The following ANXA7 variants were observed in gnomAD, a reference collection of about 807,000 sequenced individuals.
The protein encoded by ANXA7 is annexin VII.
In ANXA7, 55 loss-of-function variants were observed where a neutral mutation model predicts 64.9. The observed-to-expected ratio is 0.85, with a 90% CI of 0.68 to 1.06. The LOEUF is 1.06. ANXA7 is among the 50% of genes least tolerant of loss of function. The pLI is 0.00. For missense variants in ANXA7, 548 were observed against 582.1 expected (o/e 0.94, Z 0.60); for synonymous variants, 200 against 192.4 (o/e 1.04, Z -0.33).
chr10:73,397,275 C>A lies in ANXA7; in HGVS notation c.260-1G>T. On this transcript the variant is annotated splice_acceptor_variant, in intron 3 of 12. Coordinates refer to ENST00000372921, the MANE Select transcript of ANXA7 (RefSeq NM_001156.5). LOFTEE classifies it high-confidence loss of function. ...ACTCCAAATCCTTGGCCTGGAGGAA[C>A]TAGAGAAAAGAACATGTCAATAAAC... The A allele has an allele frequency of 6.2e-7, 1 of 1,602,110 alleles. No individual in the cohort carries two copies. The highest frequency in any genetic ancestry group is 8.5e-7 in the Non-Finnish European group (1 of 1,171,092).
chr10:73,412,155 ACCT>A (rs2055853869), intron 1 of ANXA7, among the ~76,000 whole-genome samples: 1 of 151,812 alleles, frequency 6.6e-6, no homozygotes. Flanking sequence ...TTGTGCCTCA[ACCT>A]CCTGAGTAGC....
intron 9 of ANXA7, chr10:73,381,707 A>C (rs2055278347): frequency 6.6e-6 from 1 of 152,200 alleles, no homozygotes; most frequent in Non-Finnish European, 1.5e-5. Context: ...GAGACTCAGC[A>C]CCTCATGTAA....
intron 2 of ANXA7, among the ~76,000 whole-genome samples, chr10:73,399,475 C>A (rs1301593090): frequency 6.6e-6 from 1 of 152,264 alleles, no homozygotes; most frequent in South Asian, 2.1e-4. Context: ...CTTGTATAGA[C>A]CCCTCTTCCT....
chr10:73,376,320 G>A, intron 12 of ANXA7, 103 bp from the exon 13 acceptor site: 1 of 1,123,816 alleles, frequency 8.9e-7, no homozygotes, highest in Non-Finnish European at 1.2e-6. Context: ...CAAAACTTGG[G>A]GGGGAAAACA....
intron 1 of ANXA7, among the ~76,000 whole-genome samples, chr10:73,405,122 A>C (rs943157903): frequency 2.6e-5 from 4 of 152,070 alleles, no homozygotes; most frequent in Admixed American, 6.6e-5. Flanking sequence ...ATGTGCCTGT[A>C]GTCCCAGCTA....
intron 1 of ANXA7, among the ~76,000 whole-genome samples, chr10:73,405,240 C>CAAA (rs796132395): frequency 1.4e-5 from 1 of 71,648 alleles, no homozygotes; most frequent in African/African-American, 5.3e-5. Context: ...AATACTGTCT[C>CAAA]AAAAAAAAAA....
At chr10:73,385,851 C>A (rs1223754783) in intron 7 of ANXA7, among the ~76,000 whole-genome samples, 1 of 151,984 alleles carries the variant, frequency 6.6e-6, no homozygotes, top group Non-Finnish European at 1.5e-5. Flanking sequence ...ATCAATGGAC[C>A]ACTACCCCAT....
In ANXA7 at chr10:73,387,788, A is replaced by G; in HGVS notation, c.539-5T>C. The G allele has an allele frequency of 6.2e-7, 1 of 1,612,200 alleles. No individual in the cohort carries two copies. The highest frequency in any genetic ancestry group is 1.1e-5 in the South Asian group (1 of 90,996). ...CAATTGCCTGCTCATCTGTCCCTGGAAGAACCACACATGTTTAAGTAAGGA... is the reference window on the plus strand; with the variant it reads ...CAATTGCCTGCTCATCTGTCCCTGGGAGAACCACACATGTTTAAGTAAGGA... On this transcript the variant is annotated splice_region_variant and splice_polypyrimidine_tract_variant and intron_variant, in intron 6 of 12. Transcript: ENST00000372921.
Position 73,380,013 on chromosome 10 carries a change from C to T in ANXA7, c.1089+18G>A. 1 of 1,611,350 alleles carries T rather than the reference C, an allele frequency of 6.2e-7. No individual in the cohort carries two copies. The highest frequency in any genetic ancestry group is 8.5e-7 in the Non-Finnish European group (1 of 1,179,272). Reference sequence around the variant, plus strand: ...TATCTTACAGCAGAAGCCAAATCTTCAAAAGAAAAGCTCATACCCTAGAAT... The same window carrying T: ...TATCTTACAGCAGAAGCCAAATCTTTAAAAGAAAAGCTCATACCCTAGAAT... On this transcript the variant is annotated intron_variant, in intron 10 of 12. Coordinates refer to ENST00000372921, the MANE Select transcript of ANXA7 (RefSeq NM_001156.5).
intron 2 of ANXA7, 88 bp downstream of exon 2, chr10:73,400,715 T>C: frequency 9.3e-7 from 1 of 1,078,718 alleles, no homozygotes; most frequent in Non-Finnish European, 1.3e-6. Flanking sequence ...TTATGACCCC[T>C]GCTCAAGCAT....
chr10:73,376,915 A>G (rs544518347), intron 12 of ANXA7, among the ~76,000 whole-genome samples: 1 of 152,366 alleles, frequency 6.6e-6, no homozygotes, highest in South Asian at 2.1e-4. Flanking sequence ...ACTCACAAAA[A>G]GACAAATATT....
chr10:73,409,908 T>C (rs1329572339), intron 1 of ANXA7, among the ~76,000 whole-genome samples: 3 of 151,816 alleles, frequency 2.0e-5, no homozygotes, highest in South Asian at 4.2e-4. Flanking sequence ...AAAACAAAAA[T>C]TGGGGAATGG....
chr10:73,400,666 C>A, intron 2 of ANXA7, 137 bp downstream of exon 2: 1 of 561,238 alleles, frequency 1.8e-6, no homozygotes, highest in South Asian at 4.1e-5. Context: ...ACACAATTGC[C>A]TTTCCTCACT....
intron 4 of ANXA7, among the ~76,000 whole-genome samples, 199 bp from the exon 5 acceptor site, chr10:73,396,782 T>C (rs1455004468): frequency 2.0e-5 from 3 of 152,196 alleles, no homozygotes; most frequent in Admixed American, 6.5e-5. Flanking sequence ...ATATTCCATG[T>C]TCTACATAAG....
chr10:73,376,227 AAAT>A lies in ANXA7; in HGVS notation c.1279-13_1279-11del, dbSNP rs1318362299. The stretch of plus-strand genomic sequence containing the variant: ...TTTGTACAAGGTCAATCTGCATAAG[AAAT>A]AATATTTCTGTCAGAAAAACATCTG... On this transcript the variant is annotated splice_polypyrimidine_tract_variant and intron_variant, in intron 12 of 12. Transcript: ENST00000372921. 3 of 1,550,150 alleles carry A rather than the reference AAAT, an allele frequency of 1.9e-6. No individual in the cohort carries two copies. The highest frequency in any genetic ancestry group is 2.8e-5 in the African/African-American group (2 of 71,920).
At chr10:73,393,767 C>T (rs546522950) in intron 5 of ANXA7, among the ~76,000 whole-genome samples, 37 of 152,262 alleles carry the variant, frequency 2.4e-4, no homozygotes, top group African/African-American at 8.2e-4. Context: ...TAGAAGAAAA[C>T]CTAGGCAATA....
intron 5 of ANXA7, among the ~76,000 whole-genome samples, chr10:73,392,391 C>CA (rs755638852): frequency 0.013 from 1,910 of 149,406 alleles, 39 homozygotes; most frequent in African/African-American, 0.044. Context: ...GGCAGAGACA[C>CA]AACAAAAAAA....
intron 2 of ANXA7, among the ~76,000 whole-genome samples, chr10:73,399,157 A>T (rs2055620757): frequency 6.6e-6 from 1 of 152,202 alleles, no homozygotes; most frequent in Admixed American, 6.6e-5. Context: ...GGATGGTAGG[A>T]TCAGAATAAG....
At chr10:73,394,709 G>A (rs1322900822) in intron 5 of ANXA7, among the ~76,000 whole-genome samples, 4 of 152,118 alleles carry the variant, frequency 2.6e-5, no homozygotes, top group African/African-American at 4.8e-5. Flanking sequence ...AGGGACTGTC[G>A]TGGGGTTGGG....
Sources: gnomAD v4.1 joint callset for allele counts (sites outside exome capture counted in the v4.1 genomes callset) on GRCh38, gnomAD v4.1.1 for gene constraint, MANE v1.5 for transcripts, NCBI Gene and HGNC (gene_info 2026-07-23, HGNC 2026-07-21) for gene names.